DLGAP2: variants seen among roughly 807,000 people sequenced by gnomAD.
DLGAP2 encodes the protein disks large-associated protein 2.
A neutral mutation model predicts 100.3 loss-of-function variants in DLGAP2; 26 were observed. That is an observed-to-expected ratio of 0.26 (90% CI 0.19 to 0.36). The LOEUF is 0.36. Ranked by LOEUF, DLGAP2 falls within the 10% of genes least tolerant of loss-of-function variation. The pLI, the probability that DLGAP2 is intolerant of heterozygous loss-of-function variation, is 1.00. For missense variants in DLGAP2, 1,858 were observed against 1,453.2 expected, an observed-to-expected ratio of 1.28 and a Z score of -4.53; for synonymous variants, 886 against 630.1, an observed-to-expected ratio of 1.41 and a Z score of -6.08.
At chr8:1,695,617 G>T (rs981402189) in intron 13 of DLGAP2, among the ~76,000 whole-genome samples, 1 of 152,054 alleles carries the variant, frequency 6.6e-6, no homozygotes, top group East Asian at 1.9e-4. Context: ...GAAAGAGGGG[G>T]CACAGCCATG....
chr8:1,209,367 G>C (rs576680368), intron 2 of DLGAP2, among the ~76,000 whole-genome samples: 2 of 152,138 alleles, frequency 1.3e-5, no homozygotes, highest in Non-Finnish European at 2.9e-5. Context: ...TTATGGGTTC[G>C]TTTATTTGTT....
At chr8:1,312,135 A>G (rs1800627895) in intron 3 of DLGAP2, among the ~76,000 whole-genome samples, 1 of 152,264 alleles carries the variant, frequency 6.6e-6, no homozygotes, top group East Asian at 1.9e-4. Flanking sequence ...ACATTCGCCA[A>G]GATAGGCCAC....
intron 3 of DLGAP2, among the ~76,000 whole-genome samples, chr8:1,484,254 C>G (rs1799182213): frequency 6.6e-6 from 1 of 152,380 alleles, no homozygotes; most frequent in Non-Finnish European, 1.5e-5. Flanking sequence ...TGCAGGGCTT[C>G]TTGTCAGCAG....
At chr8:1,371,846 T>A (rs987910699) in intron 3 of DLGAP2, among the ~76,000 whole-genome samples, 1 of 152,210 alleles carries the variant, frequency 6.6e-6, no homozygotes, top group African/African-American at 2.4e-5. Flanking sequence ...TATTCTGCAT[T>A]TCAGGATGAG....
At chr8:1,547,797 G>C (rs1801594086) in intron 4 of DLGAP2, among the ~76,000 whole-genome samples, 2 of 152,128 alleles carry the variant, frequency 1.3e-5, no homozygotes, top group African/African-American at 4.8e-5. Flanking sequence ...ATTCCTCTGG[G>C]GAAGGAGGCA....
rs116513832 is a variant in DLGAP2 at position 1,475,380 on chromosome 8, A to T, written c.107-25986A>T. Among the ~76,000 whole-genome samples the T allele has an allele frequency of 5.0e-3, 766 of 152,306 alleles. 6 individuals carry two copies. Among genetic ancestry groups the T allele is most frequent in the African/African-American group, 0.018 (729 of 41,548 alleles). On this transcript the variant is annotated intron_variant, in intron 3 of 14. Coordinates refer to ENST00000637795, the MANE Select transcript of DLGAP2 (RefSeq NM_001346810.2). The stretch of plus-strand genomic sequence containing the variant: ...TGTAACTCTAACAGCATCTACTGAG[A>T]AATCATGGAGCAGCCTGATACCTTT...
chr8:1,570,452 CA>C (rs1802607670), intron 6 of DLGAP2, among the ~76,000 whole-genome samples: 1 of 152,238 alleles, frequency 6.6e-6, no homozygotes, highest in East Asian at 1.9e-4. Flanking sequence ...ATTCATATCC[CA>C]AACATGTTCT....
At chr8:1,564,873 A>C (rs1042391033) in intron 5 of DLGAP2, among the ~76,000 whole-genome samples, 5 of 152,070 alleles carry the variant, frequency 3.3e-5, no homozygotes, top group Non-Finnish European at 7.4e-5. Flanking sequence ...ACAGATATGT[A>C]ACATTCATGG....
At chr8:783,686 T>C (rs1009362323) in intron 1 of DLGAP2, among the ~76,000 whole-genome samples, 1 of 152,156 alleles carries the variant, frequency 6.6e-6, no homozygotes, top group Non-Finnish European at 1.5e-5. Context: ...TTCTGCGTCT[T>C]TGCCTACTGT....
chr8:1,379,895 C>T (rs1035497559), intron 3 of DLGAP2, among the ~76,000 whole-genome samples: 3 of 149,002 alleles, frequency 2.0e-5, no homozygotes, highest in African/African-American at 7.4e-5. Flanking sequence ...TCCCTTCCCT[C>T]CCCTCCTGCT....
At chr8:1,514,843 G>T (rs1169229977) in intron 4 of DLGAP2, among the ~76,000 whole-genome samples, 2 of 152,194 alleles carry the variant, frequency 1.3e-5, no homozygotes. Flanking sequence ...TCAGCGTGAT[G>T]CCACCCAGAG....
At chr8:1,068,624 AG>A (rs1445195931) in intron 2 of DLGAP2, among the ~76,000 whole-genome samples, 9 of 149,756 alleles carry the variant, frequency 6.0e-5, no homozygotes, top group Admixed American at 5.9e-4. Context: ...ATGGACGCAC[AG>A]GAGCGGGGAG....
chr8:814,850 C>CAAAAAAAAAAAAAAAAA (rs34412684), intron 1 of DLGAP2, among the ~76,000 whole-genome samples: 1 of 61,868 alleles, frequency 1.6e-5, no homozygotes, highest in African/African-American at 6.6e-5. Context: ...GACTCCGTCT[C>CAAAAAAAAAAAAAAAAA]AAAAAAAAAA....
At chr8:1,671,695 C>T (rs1278336563) in intron 10 of DLGAP2, among the ~76,000 whole-genome samples, 3 of 152,378 alleles carry the variant, frequency 2.0e-5, no homozygotes, top group East Asian at 3.9e-4. Flanking sequence ...CTATGGCCCC[C>T]GTCCTCCTTC....
intron 2 of DLGAP2, among the ~76,000 whole-genome samples, chr8:956,022 AG>A (rs1277563501): frequency 6.6e-6 from 1 of 152,166 alleles, no homozygotes; most frequent in East Asian, 1.9e-4. Flanking sequence ...AGCCCTCTTC[AG>A]AAAGATGGGG....
intron 2 of DLGAP2, among the ~76,000 whole-genome samples, chr8:1,125,957 G>A (rs1168552676): frequency 2.6e-5 from 4 of 152,156 alleles, no homozygotes; most frequent in Admixed American, 6.5e-5. Flanking sequence ...CGCCCCATCC[G>A]CCCTTTCCTG....
chr8:807,891 A>G (rs1796298714), intron 1 of DLGAP2, among the ~76,000 whole-genome samples: 1 of 152,196 alleles, frequency 6.6e-6, no homozygotes, highest in Admixed American at 6.5e-5. Context: ...CAGCAGCCGG[A>G]GGAACATAAA....
At chr8:1,697,333 A>C in intron 14 of DLGAP2, 34 bp downstream of exon 14, 1 of 1,558,552 alleles carries the variant, frequency 6.4e-7, no homozygotes, top group African/African-American at 1.4e-5. Context: ...GCTCCCAGCA[A>C]ACCCCCTTTC....
intron 2 of DLGAP2, among the ~76,000 whole-genome samples, chr8:1,138,887 T>G (rs1291285294): frequency 4.6e-5 from 7 of 152,232 alleles, no homozygotes; most frequent in African/African-American, 1.4e-4. Flanking sequence ...TCCTGGCCTG[T>G]GCGGCTGGTG....
Sources: gnomAD v4.1 joint callset for allele counts (sites outside exome capture counted in the v4.1 genomes callset) on GRCh38, gnomAD v4.1.1 for gene constraint, MANE v1.5 for transcripts, NCBI Gene and HGNC (gene_info 2026-07-23, HGNC 2026-07-21) for gene names.